The following VPS35L variants were observed in gnomAD, a reference collection of about 807,000 sequenced individuals.
The protein encoded by VPS35L is VPS35 endosomal protein sorting factor like.
Under a neutral mutation model 133.0 loss-of-function variants are expected in VPS35L, and 83 were observed. The observed-to-expected ratio is 0.62, with a 90% CI of 0.52 to 0.75. VPS35L has a LOEUF of 0.75. Among genes scored for constraint, VPS35L ranks in the 30% least tolerant of loss-of-function variants. The probability of loss-of-function intolerance (pLI) is 0.00; values close to 1 mark genes in which losing one functional copy is unlikely to be tolerated. For synonymous variants in VPS35L, 423 were observed against 449.9 expected, an observed-to-expected ratio of 0.94 and a Z score of 0.76; for missense variants, 1,083 against 1,206.8, an observed-to-expected ratio of 0.90 and a Z score of 1.52.
chr16:19,578,382 A>AG (rs1277455521), intron 5 of VPS35L: 1 of 430,366 alleles, frequency 2.3e-6, no homozygotes, highest in Non-Finnish European at 4.5e-6. Flanking sequence ...TCAAAAAAAA[A>AG]AAAATGCTAG....
At chr16:19,568,896 T>C (rs1164803872) in intron 2 of VPS35L, among the ~76,000 whole-genome samples, 1 of 152,076 alleles carries the variant, frequency 6.6e-6, no homozygotes, top group Non-Finnish European at 1.5e-5. Flanking sequence ...TCCTTCTGCC[T>C]CAGCACCACA....
At chr16:19,697,722 C>G (rs1975964708) in intron 29 of VPS35L, among the ~76,000 whole-genome samples, 1 of 151,970 alleles carries the variant, frequency 6.6e-6, no homozygotes, top group Admixed American at 6.6e-5. Context: ...CATTCTTAAT[C>G]CCTGCATACA....
At chr16:19,686,650 C>T (rs1975471001) in intron 28 of VPS35L, among the ~76,000 whole-genome samples, 2 of 152,150 alleles carry the variant, frequency 1.3e-5, no homozygotes, top group Admixed American at 6.5e-5. Context: ...CATTTCTCCC[C>T]CTCGTGAGAG....
intron 8 of VPS35L, among the ~76,000 whole-genome samples, chr16:19,594,668 A>C (rs1972149964): frequency 1.5e-5 from 2 of 136,530 alleles, no homozygotes; most frequent in South Asian, 4.5e-4. Flanking sequence ...AAAAAAAAAA[A>C]AAAGAAGAGA....
intron 26 of VPS35L, among the ~76,000 whole-genome samples, chr16:19,656,840 G>T (rs957077974): frequency 6.6e-6 from 1 of 152,010 alleles, no homozygotes; most frequent in African/African-American, 2.4e-5. Context: ...CATTGGGGAA[G>T]CTGTAGGAAA....
At chr16:19,678,690 C>G (rs1975149037) in intron 27 of VPS35L, among the ~76,000 whole-genome samples, 1 of 151,864 alleles carries the variant, frequency 6.6e-6, no homozygotes, top group South Asian at 2.1e-4. Context: ...GTTGGCCAGG[C>G]TGGTTTCAAA....
At chr16:19,655,537 T>A (rs1207586837) in intron 26 of VPS35L, among the ~76,000 whole-genome samples, 3 of 152,194 alleles carry the variant, frequency 2.0e-5, no homozygotes, top group African/African-American at 7.2e-5. Flanking sequence ...TTTGGCAGGC[T>A]GTGGCTTTCC....
intron 26 of VPS35L, among the ~76,000 whole-genome samples, chr16:19,658,300 T>G (rs1369660229): frequency 1.3e-5 from 2 of 152,002 alleles, no homozygotes; most frequent in Non-Finnish European, 2.9e-5. Context: ...GAGGCCGAAG[T>G]GGATGGATCA....
In VPS35L at chr16:19,686,912, C is replaced by T. The variant is rs2019186; in HGVS notation, c.2528-4441C>T. Among the ~76,000 whole-genome samples, 16 of 152,122 alleles carry T rather than the reference C, an allele frequency of 1.1e-4. 1 individual carries two copies. Among genetic ancestry groups the T allele is most frequent in the African/African-American group, 2.7e-4 (11 of 41,508 alleles). ...TCCCATGATCCCCTGTACTGCCCCC[C>T]CTTCCTTGAGACTGGGAGGCGGAGG... is the stretch of plus-strand genomic sequence containing the variant. On this transcript the variant is annotated intron_variant, in intron 28 of 30. Coordinates refer to ENST00000417362, the MANE Select transcript of VPS35L (RefSeq NM_020314.7).
rs1975775320 is a variant in VPS35L at position 19,693,470 on chromosome 16, G to A, written c.2646+1999G>A. On this transcript the variant is annotated intron_variant, in intron 29 of 30. Transcript: ENST00000417362. ...AGCTTGGGTAACATAGTAAGATCCT[G>A]TCTCTATTAAAAAAAAAATTAAAAA... Among the ~76,000 whole-genome samples the A allele has an allele frequency of 6.6e-5, 10 of 151,546 alleles. No homozygotes were observed. In the South Asian group the frequency reaches 2.1e-3, roughly 32 times the overall value.
chr16:19,682,664 C>G (rs1020258656), intron 28 of VPS35L, among the ~76,000 whole-genome samples: 2 of 152,178 alleles, frequency 1.3e-5, no homozygotes, highest in Admixed American at 1.3e-4. Flanking sequence ...GAGTTCCAGA[C>G]CAGCCTGGCC....
chr16:19,565,832 A>G (rs981147041), intron 2 of VPS35L, among the ~76,000 whole-genome samples: 1 of 152,186 alleles, frequency 6.6e-6, no homozygotes, highest in Non-Finnish European at 1.5e-5. Flanking sequence ...TGTATTTGGA[A>G]TATAAGAGTC....
chr16:19,669,998 C>T (rs1974823136), intron 27 of VPS35L, among the ~76,000 whole-genome samples: 1 of 151,798 alleles, frequency 6.6e-6, no homozygotes, highest in East Asian at 1.9e-4. Flanking sequence ...AGGAGTCTTG[C>T]TCTGTCACCC....
intron 29 of VPS35L, among the ~76,000 whole-genome samples, chr16:19,693,215 G>A (rs1175566075): frequency 1.3e-5 from 2 of 152,164 alleles, no homozygotes; most frequent in Non-Finnish European, 2.9e-5. Context: ...AAACCCGTGA[G>A]TATCAGACGA....
At chr16:19,685,024 C>T (rs985091281) in intron 28 of VPS35L, among the ~76,000 whole-genome samples, 2 of 150,870 alleles carry the variant, frequency 1.3e-5, no homozygotes, top group African/African-American at 4.9e-5. Context: ...TGAACTCCAG[C>T]CTGGGTGACA....
At chr16:19,683,287 A>G (rs755357083) in intron 28 of VPS35L, among the ~76,000 whole-genome samples, 54 of 152,214 alleles carry the variant, frequency 3.5e-4, no homozygotes, top group Non-Finnish European at 7.1e-4. Flanking sequence ...ACCAGTCTGG[A>G]GAAACACTGT....
chr16:19,608,663 C>A, intron 10 of VPS35L: 1 of 402,708 alleles, frequency 2.5e-6, no homozygotes, highest in South Asian at 5.7e-5. Context: ...TACATAAATT[C>A]CATCTTAGTT....
At chr16:19,694,487 T>A (rs1437353223) in intron 29 of VPS35L, 1 of 151,846 alleles carries the variant, frequency 6.6e-6, no homozygotes, top group African/African-American at 2.4e-5. Context: ...TGATTTCTTT[T>A]CTTTTTTTTT....
chr16:19,591,766 TTC>T, intron 7 of VPS35L, 22 bp from the exon 8 acceptor site: 1 of 1,560,406 alleles, frequency 6.4e-7, no homozygotes, highest in Non-Finnish European at 8.8e-7. Context: ...AGAGTGAATT[TTC>T]TCTTTTTTTC....
Sources: gnomAD v4.1 joint callset for allele counts (sites outside exome capture counted in the v4.1 genomes callset) on GRCh38, gnomAD v4.1.1 for gene constraint, MANE v1.5 for transcripts, NCBI Gene and HGNC (gene_info 2026-07-23, HGNC 2026-07-21) for gene names.